ENY2: variants seen among roughly 807,000 people sequenced by gnomAD.
ENY2 encodes the protein transcription and mRNA export factor ENY2.
In ENY2, 4 loss-of-function variants were observed where a neutral mutation model predicts 15.9. The observed-to-expected ratio is 0.25, with a 90% CI of 0.12 to 0.57. The LOEUF is 0.57. ENY2 is among the 20% of genes least tolerant of loss of function. The pLI is 0.91. For synonymous variants in ENY2, 48 were observed against 38.0 expected (o/e 1.26, Z -0.97); for missense variants, 54 against 117.2 (o/e 0.46, Z 2.49).
At chr8:109,334,621 C>G (rs1586322965) in intron 1 of ENY2, 147 bp downstream of exon 1, 2 of 900,738 alleles carry the variant, frequency 2.2e-6, no homozygotes, top group East Asian at 3.0e-5. Flanking sequence ...TGGCCTGAAA[C>G]CAGTCCTCGC....
chr8:109,341,450 G>A (rs1414869829), intron 4 of ENY2, among the ~76,000 whole-genome samples: 1 of 151,060 alleles, frequency 6.6e-6, no homozygotes, highest in African/African-American at 2.4e-5. Flanking sequence ...TATGTCTCGG[G>A]GAAAGGAAAA....
At position 109,334,389 on chromosome 8, in the gene ENY2, A is replaced by G; in HGVS notation, c.-80A>G. ...AGCTACTGAGGGTCTAAGTCCGGGC[A>G]GCCGAAGAGTGTGGTAGGTAACGGT... is the stretch of plus-strand genomic sequence containing the variant. On this transcript the variant is annotated 5_prime_UTR_variant, in exon 1 of 5. Transcript: ENST00000521688. The G allele has an allele frequency of 6.2e-7, 1 of 1,605,232 alleles. No homozygotes were observed.
intron 4 of ENY2, chr8:109,342,654 C>CA (rs1284509148): frequency 2.9e-6 from 2 of 691,248 alleles, no homozygotes; most frequent in Non-Finnish European, 5.3e-6. Flanking sequence ...ACCACAGACA[C>CA]ACACCACCAT....
chr8:109,336,336 CATCTGGAAAA>C, intron 2 of ENY2, 132 bp downstream of exon 2: 1 of 806,946 alleles, frequency 1.2e-6, no homozygotes, highest in South Asian at 1.9e-5. Flanking sequence ...CTATTCCGAA[CATCTGGAAAA>C]AATAATTTAG....
Position 109,334,373 on chromosome 8 carries a change from G to A in ENY2, c.-96G>A. ...TGTGCTTAGGTGCCCGAGCTACTGA[G>A]GGTCTAAGTCCGGGCAGCCGAAGAG... On this transcript the variant is annotated 5_prime_UTR_variant, in exon 1 of 5. Transcript: ENST00000521688. 2 of 1,569,808 alleles carry A rather than the reference G, an allele frequency of 1.3e-6. No homozygotes were observed. The highest frequency in any genetic ancestry group is 2.3e-5 in the East Asian group (1 of 44,190).
At chr8:109,342,888 T>C in intron 4 of ENY2, 1 of 516,954 alleles carries the variant, frequency 1.9e-6, no homozygotes, top group Non-Finnish European at 3.4e-6. Flanking sequence ...TCATTTGTCT[T>C]CTGAGATGGG....
In ENY2 at chr8:109,335,973, G is replaced by A. The variant is rs77945109; in HGVS notation, c.7-155G>A. On this transcript the variant is annotated intron_variant, in intron 1 of 4. Coordinates refer to ENST00000521688, the MANE Select transcript of ENY2 (RefSeq NM_020189.6). ...CATTAGCCCAGTGCCAAGCACATAA[G>A]TGTTTAATAAAGAGTAATGATATTA... 1,765 of 642,294 alleles carry A rather than the reference G, an allele frequency of 2.7e-3. 25 individuals are homozygous for A. The African/African-American group carries it at 0.029, about 10-fold the overall frequency. 39.8% of individuals were successfully genotyped at this position (642,294 alleles called of 1,614,324 possible). A position where few individuals can be genotyped will look rare whatever the true frequency, so the allele number is the denominator to read the frequency against.
chr8:109,334,623 A>C, intron 1 of ENY2, 149 bp downstream of exon 1: 2 of 891,202 alleles, frequency 2.2e-6, no homozygotes, highest in Non-Finnish European at 3.3e-6. Context: ...GCCTGAAACC[A>C]GTCCTCGCTT....
intron 1 of ENY2, 161 bp from the exon 2 acceptor site, chr8:109,335,967 A>G: frequency 1.6e-6 from 1 of 618,188 alleles, no homozygotes; most frequent in Non-Finnish European, 2.8e-6. Flanking sequence ...AGTGCCAAGC[A>G]CATAAGTGTT....
At chr8:109,341,926 A>G (rs1365561218) in intron 4 of ENY2, among the ~76,000 whole-genome samples, 1 of 152,096 alleles carries the variant, frequency 6.6e-6, no homozygotes, top group Non-Finnish European at 1.5e-5. Context: ...CCTGTTCTCA[A>G]TCACCATAAT....
At chr8:109,341,015 T>A (rs78977960) in intron 4 of ENY2, among the ~76,000 whole-genome samples, 2 of 152,264 alleles carry the variant, frequency 1.3e-5, no homozygotes, top group East Asian at 3.9e-4. Flanking sequence ...GCTCCATGAC[T>A]TCATGTTCAG....
At chr8:109,336,086 T>G (rs376011554) in intron 1 of ENY2, 42 bp from the exon 2 acceptor site, 20 of 1,593,284 alleles carry the variant, frequency 1.3e-5, no homozygotes, top group African/African-American at 8.1e-5. Context: ...CAGAAAATGC[T>G]TTGTAAATGT....
intron 4 of ENY2, among the ~76,000 whole-genome samples, chr8:109,341,360 TA>T (rs1385463180): frequency 6.6e-6 from 1 of 152,110 alleles, no homozygotes; most frequent in African/African-American, 2.4e-5. Flanking sequence ...CTGCTGGGAA[TA>T]AGCTATAGAA....
At chr8:109,336,280 T>A (rs969227551) in intron 2 of ENY2, 76 bp downstream of exon 2, 6 of 1,186,714 alleles carry the variant, frequency 5.1e-6, no homozygotes, top group Non-Finnish European at 6.1e-6. Flanking sequence ...AAACAAGAAA[T>A]GAAACATGTC....
At chr8:109,340,799 G>A (rs1816094975) in intron 4 of ENY2, 2 of 419,026 alleles carry the variant, frequency 4.8e-6, no homozygotes, top group Admixed American at 8.3e-5. Flanking sequence ...TGATACAGTT[G>A]TTCAAGCAAA....
intron 4 of ENY2, chr8:109,342,647 A>C: frequency 1.5e-6 from 1 of 688,878 alleles, no homozygotes; most frequent in Non-Finnish European, 2.6e-6. Context: ...AGCTGAGACC[A>C]CAGACACACA....
intron 1 of ENY2, 43 bp downstream of exon 1, chr8:109,334,517 G>A: frequency 6.2e-7 from 1 of 1,601,780 alleles, no homozygotes. Context: ...CCCGGGCCCA[G>A]CCCAGGCTCC....
chr8:109,343,453 C>T lies in ENY2; in HGVS notation c.278C>T (p.Thr93Ile), dbSNP rs1816166031. The change falls in exon 5 of 5, where the codon ACA becomes ATA. Residue 93 changes from threonine (T) to isoleucine (I), a missense_variant. Coordinates refer to ENST00000521688, the MANE Select transcript of ENY2 (RefSeq NM_020189.6). ...VKKELLQRIR[T>I]FLAQHASL ...AAGGAGCTCCTACAAAGAATAAGAA[C>T]ATTCCTTGCTCAGCATGCCAGCCTT... The T allele has an allele frequency of 6.2e-7, 1 of 1,612,854 alleles. No homozygotes were observed. Among genetic ancestry groups the T allele is most frequent in the Non-Finnish European group, 8.5e-7 (1 of 1,179,572 alleles).
At chr8:109,342,166 T>G (rs1054767013) in intron 4 of ENY2, among the ~76,000 whole-genome samples, 1 of 132,170 alleles carries the variant, frequency 7.6e-6, no homozygotes, top group East Asian at 2.1e-4. Context: ...ACCCCCCCCT[T>G]TTTTTTTTTT....
Sources: gnomAD v4.1 joint callset for allele counts (sites outside exome capture counted in the v4.1 genomes callset) on GRCh38, gnomAD v4.1.1 for gene constraint, MANE v1.5 for transcripts, NCBI Gene and HGNC (gene_info 2026-07-23, HGNC 2026-07-21) for gene names.